METTL9: variants seen among roughly 807,000 people sequenced by gnomAD.
The protein encoded by METTL9 is methyltransferase 9, His-X-His N1(pi)-histidine, also known as protein-L-histidine N-pros-methyltransferase.
A neutral mutation model predicts 36.0 loss-of-function variants in METTL9; 10 were observed. The ratio of observed to expected loss-of-function variants is 0.28; its 90% CI spans 0.17 to 0.47. The LOEUF (loss-of-function observed/expected upper bound fraction) is 0.47. METTL9 is among the 20% of genes least tolerant of loss of function. The pLI, the probability that METTL9 is intolerant of heterozygous loss-of-function variation, is 0.99. For missense variants in METTL9, 246 were observed against 383.5 expected (o/e 0.64, Z 3.00); for synonymous variants, 175 against 149.7 (o/e 1.17, Z -1.23).
intron 4 of METTL9, among the ~76,000 whole-genome samples, chr16:21,634,274 T>C (rs1429929093): frequency 2.6e-5 from 4 of 152,132 alleles, no homozygotes; most frequent in Non-Finnish European, 5.9e-5. Context: ...TCAGTGAGTA[T>C]GATGACATGA....
chr16:21,626,528 C>T (rs753414581), intron 4 of METTL9, among the ~76,000 whole-genome samples: 17 of 152,074 alleles, frequency 1.1e-4, no homozygotes, highest in Non-Finnish European at 1.8e-4. Context: ...GGAATTCTTT[C>T]GATATAGAAG....
chr16:21,641,768 G>A (rs1966277532), intron 4 of METTL9, among the ~76,000 whole-genome samples: 1 of 152,056 alleles, frequency 6.6e-6, no homozygotes, highest in African/African-American at 2.4e-5. Context: ...TAGGATGTGG[G>A]AACTGAAAAA....
chr16:21,621,369 A>T (rs1213129361), intron 3 of METTL9, among the ~76,000 whole-genome samples: 2 of 151,392 alleles, frequency 1.3e-5, no homozygotes, highest in East Asian at 1.9e-4. Flanking sequence ...CTCCATCACC[A>T]GGCTGGAGTG....
intron 4 of METTL9, chr16:21,643,123 A>G (rs1188152687): frequency 6.8e-6 from 11 of 1,609,430 alleles, no homozygotes; most frequent in Non-Finnish European, 9.3e-6. Context: ...TTCTTGAGCA[A>G]TTTCCTGAAA....
At chr16:21,647,384 G>A in intron 4 of METTL9, 1 of 1,614,096 alleles carries the variant, frequency 6.2e-7, no homozygotes, top group Admixed American at 1.7e-5. Flanking sequence ...TTGCTCAGAA[G>A]GGCATCCGGT....
Position 21,612,842 on chromosome 16 carries a change from G to T in METTL9, c.356+7G>T, listed in dbSNP as rs777820203. Reference sequence around the variant, plus strand: ...CTAGAACATCTATCAATGGGTAAGTGAATCTTGGACATTTATTTTTTTCTT... The same window carrying T: ...CTAGAACATCTATCAATGGGTAAGTTAATCTTGGACATTTATTTTTTTCTT... On this transcript the variant is annotated splice_region_variant and intron_variant, in intron 2 of 4. Transcript: ENST00000358154. 8.6e-5 allele frequency: 135 copies of T among 1,568,982 alleles called. No individual in the cohort carries two copies. Among genetic ancestry groups the T allele is most frequent in the Non-Finnish European group, 1.2e-4 (134 of 1,161,206 alleles).
intron 4 of METTL9, among the ~76,000 whole-genome samples, chr16:21,644,910 C>G (rs1966385604): frequency 6.6e-6 from 1 of 152,240 alleles, no homozygotes; most frequent in African/African-American, 2.4e-5. Context: ...GAGCGCAGTG[C>G]TCACTGCGTG....
upstream of METTL9, chr16:21,597,257 TG>T: frequency 7.8e-7 from 1 of 1,288,966 alleles, no homozygotes; most frequent in Non-Finnish European, 1.0e-6. Flanking sequence ...GCTTCTTAGA[TG>T]GATCGAAAGA....
At chr16:21,609,049 T>G (rs1965360230) in intron 1 of METTL9, among the ~76,000 whole-genome samples, 1 of 152,232 alleles carries the variant, frequency 6.6e-6, no homozygotes, top group African/African-American at 2.4e-5. Context: ...GTAAAGCACA[T>G]GGCTTGGTGC....
chr16:21,647,439 C>A, intron 4 of METTL9: 1 of 1,614,004 alleles, frequency 6.2e-7, no homozygotes, highest in Non-Finnish European at 8.5e-7. Context: ...TGAGTGTAGT[C>A]CACTTCTAGG....
intron 4 of METTL9, among the ~76,000 whole-genome samples, chr16:21,629,708 A>G (rs1965900833): frequency 1.3e-5 from 2 of 152,168 alleles, no homozygotes; most frequent in South Asian, 2.1e-4. Flanking sequence ...CGAAAGAACA[A>G]AGCTTCCTCA....
rs527969952 is a variant in METTL9 at position 21,613,873 on chromosome 16, A to G, written c.356+1038A>G. Among the ~76,000 whole-genome samples the G allele has an allele frequency of 8.0e-5, 12 of 150,252 alleles. No individual in the cohort carries two copies. In the South Asian group the frequency reaches 1.5e-3, roughly 18 times the overall value. ...CAATCCTTTCTTGGCCATGTTTTCAAGCATTCCTAAGGACCTAGAATCTAA... is the reference window on the plus strand; with the variant it reads ...CAATCCTTTCTTGGCCATGTTTTCAGGCATTCCTAAGGACCTAGAATCTAA... On this transcript the variant is annotated intron_variant, in intron 2 of 4. Coordinates refer to ENST00000358154, the MANE Select transcript of METTL9 (RefSeq NM_016025.5).
intron 1 of METTL9, among the ~76,000 whole-genome samples, chr16:21,610,605 G>A (rs1223880046): frequency 1.3e-5 from 2 of 152,182 alleles, no homozygotes; most frequent in African/African-American, 2.4e-5. Context: ...TCAACCACAC[G>A]TGTTAATGTT....
In METTL9 at chr16:21,657,279, A is replaced by G. The variant is rs1966731410; in HGVS notation, c.*1847A>G. On this transcript the variant is annotated 3_prime_UTR_variant, in exon 5 of 5. Coordinates refer to ENST00000358154, the MANE Select transcript of METTL9 (RefSeq NM_016025.5). ...GAAGTTCTCTGAAAACCAGCTTATTAAAAGTGCTGTTTTGTGGTGAAAATT... is the reference window on the plus strand; with the variant it reads ...GAAGTTCTCTGAAAACCAGCTTATTGAAAGTGCTGTTTTGTGGTGAAAATT... The G allele has an allele frequency of 6.6e-6, 1 of 152,194 alleles. No individual in the cohort carries two copies. The highest frequency in any genetic ancestry group is 1.5e-5 in the Non-Finnish European group (1 of 68,042). The allele number at this position is 152,194 out of a possible 1,614,324, so 9.4% of individuals were successfully genotyped here. A position where few individuals can be genotyped will look rare whatever the true frequency, so the allele number is the denominator to read the frequency against.
At chr16:21,625,894 T>A (rs985043806) in intron 4 of METTL9, among the ~76,000 whole-genome samples, 1 of 152,272 alleles carries the variant, frequency 6.6e-6, no homozygotes, top group African/African-American at 2.4e-5. Context: ...TTAAAAATCT[T>A]CAGTGTTTCA....
At chr16:21,651,485 GAA>G (rs1259173561) in intron 4 of METTL9, among the ~76,000 whole-genome samples, 1 of 151,864 alleles carries the variant, frequency 6.6e-6, no homozygotes, top group East Asian at 1.9e-4. Context: ...TTCTTGTGTA[GAA>G]ATGGGGGTCT....
chr16:21,650,811 A>G (rs897226539), intron 4 of METTL9, among the ~76,000 whole-genome samples: 1 of 152,200 alleles, frequency 6.6e-6, no homozygotes, highest in African/African-American at 2.4e-5. Flanking sequence ...TCTGTGAATG[A>G]TTTCTTTTAA....
intron 1 of METTL9, among the ~76,000 whole-genome samples, chr16:21,605,180 A>G (rs1567324754): frequency 6.8e-6 from 1 of 146,154 alleles, no homozygotes; most frequent in Admixed American, 6.9e-5. Context: ...TCAAGGCAAC[A>G]CATTTTCTGC....
chr16:21,636,579 C>T (rs996871114), intron 4 of METTL9, among the ~76,000 whole-genome samples: 1 of 152,202 alleles, frequency 6.6e-6, no homozygotes, highest in Non-Finnish European at 1.5e-5. Context: ...GAGTTCTGCT[C>T]ATGGCCGCAG....
Sources: allele counts gnomAD v4.1 joint callset (sites outside exome capture counted in the v4.1 genomes callset), GRCh38; gene constraint gnomAD v4.1.1; transcripts MANE v1.5; gene names NCBI Gene and HGNC (gene_info 2026-07-23, HGNC 2026-07-21).